PRKN: variants seen among roughly 807,000 people sequenced by gnomAD.
PRKN encodes E3 ubiquitin-protein ligase parkin.
Under a neutral mutation model 59.5 loss-of-function variants are expected in PRKN, and 56 were observed. The ratio of observed to expected loss-of-function variants is 0.94; its 90% CI spans 0.76 to 1.18. The LOEUF (loss-of-function observed/expected upper bound fraction) is 1.18. PRKN is among the 50% of genes most tolerant of loss of function. The pLI, the probability that PRKN is intolerant of heterozygous loss-of-function variation, is 0.00. For synonymous variants in PRKN, 250 were observed against 222.1 expected, an observed-to-expected ratio of 1.13 and a Z score of -1.12; for missense variants, 657 against 596.4, an observed-to-expected ratio of 1.10 and a Z score of -1.06.
At chr6:162,444,209 C>T (rs909960502) in intron 1 of PRKN, among the ~76,000 whole-genome samples, 2 of 152,054 alleles carry the variant, frequency 1.3e-5, no homozygotes, top group Admixed American at 6.6e-5. Flanking sequence ...CATTCTTTCT[C>T]TCACTGCTTG....
At position 161,451,308 on chromosome 6, in the gene PRKN, A is replaced by C. The variant is rs73785923; in HGVS notation, c.1084-64431T>G. Among the ~76,000 whole-genome samples the C allele has an allele frequency of 0.066, 10,052 of 152,076 alleles. 484 individuals carry two copies. The highest frequency in any genetic ancestry group is 0.13 in the African/African-American group (5,451 of 41,460). ...TTTCTTCAATGACTTCCACGAGAAG[A>C]CCTCTCTGGAGAGGTCTGAACATTG... On this transcript the variant is annotated intron_variant, in intron 9 of 11. Coordinates refer to ENST00000366898, the MANE Select transcript of PRKN (RefSeq NM_004562.3). The surrounding 1 kb of genome is among the most constrained non-coding windows in gnomAD (Gnocchi z 5.9).
At chr6:162,512,597 G>A (rs1450631794) in intron 1 of PRKN, among the ~76,000 whole-genome samples, 1 of 152,100 alleles carries the variant, frequency 6.6e-6, no homozygotes, top group Admixed American at 6.6e-5. Context: ...TACTAATTTT[G>A]TCATGCATAA....
intron 7 of PRKN, among the ~76,000 whole-genome samples, chr6:161,707,192 A>G (rs1325395860): frequency 6.6e-6 from 1 of 152,088 alleles, no homozygotes; most frequent in Non-Finnish European, 1.5e-5. Context: ...ACCCTTGGAA[A>G]TGTGGTTACT....
At chr6:162,726,742 C>T (rs531957886) in intron 1 of PRKN, among the ~76,000 whole-genome samples, 1 of 152,312 alleles carries the variant, frequency 6.6e-6, no homozygotes, top group South Asian at 2.1e-4. Flanking sequence ...GTAAAGGACC[C>T]TCCTCAGGAA....
chr6:162,295,161 G>A (rs1223735557), intron 2 of PRKN, among the ~76,000 whole-genome samples: 2 of 152,204 alleles, frequency 1.3e-5, no homozygotes, highest in Non-Finnish European at 2.9e-5. Flanking sequence ...GCTTGTGCGT[G>A]ACAACATCAG....
intron 3 of PRKN, among the ~76,000 whole-genome samples, chr6:162,216,506 C>G: frequency 7.7e-6 from 1 of 129,864 alleles, no homozygotes; most frequent in Admixed American, 9.6e-5. Flanking sequence ...GTCCGCAGTC[C>G]GGCCTGGGCG....
At chr6:161,746,586 TAC>T (rs201173808) in intron 7 of PRKN, among the ~76,000 whole-genome samples, 8 of 146,070 alleles carry the variant, frequency 5.5e-5, no homozygotes, top group Non-Finnish European at 9.0e-5. Context: ...TATATATATA[TAC>T]ACACACACAT....
intron 10 of PRKN, among the ~76,000 whole-genome samples, chr6:161,367,175 G>A (rs542982458): frequency 4.0e-4 from 61 of 151,858 alleles, no homozygotes; most frequent in Middle Eastern, 3.4e-3. Flanking sequence ...TAGAGACGGG[G>A]TTTCACCATG....
At chr6:162,706,422 G>T (rs1778341249) in intron 1 of PRKN, among the ~76,000 whole-genome samples, 1 of 152,178 alleles carries the variant, frequency 6.6e-6, no homozygotes, top group African/African-American at 2.4e-5. Flanking sequence ...ATATGTCAAA[G>T]AAACTTTTTA....
intron 7 of PRKN, among the ~76,000 whole-genome samples, chr6:161,573,461 C>CTA (rs1401856910): frequency 6.8e-4 from 103 of 151,624 alleles, no homozygotes; most frequent in African/African-American, 2.3e-3. Flanking sequence ...TGGTTCACGC[C>CTA]TGTAATCCCA....
intron 1 of PRKN, among the ~76,000 whole-genome samples, chr6:162,527,023 A>T (rs1778316789): frequency 6.6e-6 from 1 of 152,082 alleles, no homozygotes; most frequent in African/African-American, 2.4e-5. Context: ...CAAGATAAAA[A>T]AATAAAAACA....
chr6:162,668,493 CG>C lies in PRKN; in HGVS notation c.7+59168del, dbSNP rs372331600. Among the ~76,000 whole-genome samples, 102 of 151,972 alleles carry C rather than the reference CG, an allele frequency of 6.7e-4. No individual in the cohort carries two copies. The East Asian group carries it at 9.9e-3, about 15-fold the overall frequency. ...TATGGCTAGAAGAGAATGCCAGAGA[CG>C]GGGAAAAACTGACAGGGTAAGAGAT... On this transcript the variant is annotated intron_variant, in intron 1 of 11. Transcript: ENST00000366898.
chr6:161,395,547 G>A lies in PRKN; in HGVS notation c.1084-8670C>T, dbSNP rs1053926896. On this transcript the variant is annotated intron_variant, in intron 9 of 11. Transcript: ENST00000366898. This position sits in a 1 kb window ranked among gnomAD's most constrained non-coding sequence, Gnocchi z 5.0. ...TGGACTTTCCATTTTGATTGCTTTC[G>A]CGAGCCTTGTCAGTCACAGGCTTAG... Among the ~76,000 whole-genome samples the A allele has an allele frequency of 3.3e-5, 5 of 152,148 alleles. No homozygotes were observed. Among genetic ancestry groups the A allele is most frequent in the African/African-American group, 1.2e-4 (5 of 41,414 alleles).
At chr6:162,628,173 C>T (rs1355595509) in intron 1 of PRKN, among the ~76,000 whole-genome samples, 1 of 151,898 alleles carries the variant, frequency 6.6e-6, no homozygotes, top group Non-Finnish European at 1.5e-5. Flanking sequence ...GAAAAAAGGT[C>T]GTTTCTGAAA....
At chr6:161,975,944 C>T (rs968969795) in intron 5 of PRKN, among the ~76,000 whole-genome samples, 5 of 152,010 alleles carry the variant, frequency 3.3e-5, no homozygotes, top group African/African-American at 9.7e-5. Flanking sequence ...CTCACTCTAT[C>T]GCCTAGGCTG....
At chr6:162,135,203 C>A (rs1781519165) in intron 4 of PRKN, among the ~76,000 whole-genome samples, 1 of 152,120 alleles carries the variant, frequency 6.6e-6, no homozygotes, top group Non-Finnish European at 1.5e-5. Flanking sequence ...GTGGCCTGAT[C>A]ATAGCTCACT....
At chr6:161,920,589 A>G (rs2128238893) in intron 6 of PRKN, among the ~76,000 whole-genome samples, 1 of 151,986 alleles carries the variant, frequency 6.6e-6, no homozygotes, top group South Asian at 2.1e-4. Flanking sequence ...GATTGAGACC[A>G]TCCTGGCCAA....
At chr6:161,659,848 G>T (rs1784481373) in intron 7 of PRKN, among the ~76,000 whole-genome samples, 2 of 152,128 alleles carry the variant, frequency 1.3e-5, no homozygotes, top group Non-Finnish European at 2.9e-5. Flanking sequence ...ACTTATTCAG[G>T]TTCTACATGT....
At chr6:162,619,547 C>T (rs1782571177) in intron 1 of PRKN, among the ~76,000 whole-genome samples, 1 of 152,148 alleles carries the variant, frequency 6.6e-6, no homozygotes, top group Non-Finnish European at 1.5e-5. Context: ...AAAATTATGA[C>T]TTTAACACAT....
Sources: gnomAD v4.1 joint callset for allele counts (sites outside exome capture counted in the v4.1 genomes callset) on GRCh38, gnomAD v4.1.1 for gene constraint, Gnocchi (gnomAD v3.1) non-coding constraint, MANE v1.5 for transcripts, NCBI Gene and HGNC (gene_info 2026-07-23, HGNC 2026-07-21) for gene names.